Variants in SMIM20 observed in about 807,000 individuals in gnomAD.
The protein encoded by SMIM20 is small integral membrane protein 20, also known as mitochondrial translation regulation assembly intermediate of cytochrome c oxidase protein of 7 kDa.
SMIM20 carries 3 observed loss-of-function variants against 8.7 expected under a neutral mutation model. The ratio of observed to expected loss-of-function variants is 0.34; its 90% CI spans 0.16 to 0.89. The LOEUF (loss-of-function observed/expected upper bound fraction) is 0.89. Ranked by LOEUF, SMIM20 falls within the 40% of genes least tolerant of loss-of-function variation. The pLI, the probability that SMIM20 is intolerant of heterozygous loss-of-function variation, is 0.49. For synonymous variants in SMIM20, 44 were observed against 33.6 expected (o/e 1.31, Z -1.07); for missense variants, 85 against 84.8 (o/e 1.00, Z -0.01).
intron 1 of SMIM20, among the ~76,000 whole-genome samples, chr4:25,921,049 G>A (rs1465503373): frequency 6.6e-6 from 1 of 152,212 alleles, no homozygotes; most frequent in African/African-American, 2.4e-5. Flanking sequence ...CTGTATGTTA[G>A]TAAGAGCAGT....
intron 1 of SMIM20, among the ~76,000 whole-genome samples, chr4:25,919,830 C>T (rs1382315875): frequency 6.6e-6 from 1 of 152,190 alleles, no homozygotes; most frequent in Admixed American, 6.5e-5. Flanking sequence ...TAACCTTTGT[C>T]CCATGCACCT....
At chr4:25,926,459 G>A (rs570723520) in intron 1 of SMIM20, among the ~76,000 whole-genome samples, 8 of 152,230 alleles carry the variant, frequency 5.3e-5, no homozygotes, top group Non-Finnish European at 1.0e-4. Context: ...AACTACAGAG[G>A]TGTTTGCATT....
intron 1 of SMIM20, among the ~76,000 whole-genome samples, chr4:25,923,687 T>C (rs1719238005): frequency 6.6e-6 from 1 of 152,246 alleles, no homozygotes; most frequent in South Asian, 2.1e-4. Context: ...TTGCTGCCCC[T>C]GCCCAAAAGG....
At chr4:25,923,941 T>C (rs758081336) in intron 1 of SMIM20, among the ~76,000 whole-genome samples, 1 of 152,068 alleles carries the variant, frequency 6.6e-6, no homozygotes, top group African/African-American at 2.4e-5. Context: ...TTGGGAGGAG[T>C]GCAGTGCTTC....
At chr4:25,917,945 TG>T (rs1465804280) in intron 1 of SMIM20, among the ~76,000 whole-genome samples, 9 of 143,026 alleles carry the variant, frequency 6.3e-5, no homozygotes, top group Non-Finnish European at 1.4e-4. Context: ...TTTTTTTTTT[TG>T]TTTTTTTTTT....
intron 1 of SMIM20, among the ~76,000 whole-genome samples, chr4:25,922,978 G>A (rs968654374): frequency 1.3e-5 from 2 of 152,234 alleles, no homozygotes; most frequent in Non-Finnish European, 2.9e-5. Context: ...TGCCTTATTG[G>A]ATTTCATTTT....
At chr4:25,921,091 G>T (rs772110951) in intron 1 of SMIM20, among the ~76,000 whole-genome samples, 2 of 152,202 alleles carry the variant, frequency 1.3e-5, no homozygotes, top group African/African-American at 2.4e-5. Context: ...GCATCACTCT[G>T]ATTGATTGTA....
intron 1 of SMIM20, among the ~76,000 whole-genome samples, chr4:25,916,059 T>A (rs978729932): frequency 2.0e-5 from 3 of 152,026 alleles, no homozygotes; most frequent in Non-Finnish European, 4.4e-5. Context: ...CCAGCAACAG[T>A]CTTTTAGGGA....
chr4:25,917,506 G>A (rs1169101475), intron 1 of SMIM20, among the ~76,000 whole-genome samples: 3 of 152,216 alleles, frequency 2.0e-5, no homozygotes, highest in Non-Finnish European at 2.9e-5. Context: ...CTGGGATGAG[G>A]TGTTCATGAT....
chr4:25,928,747 G>T (rs540173938), intron 2 of SMIM20, among the ~76,000 whole-genome samples: 1 of 152,360 alleles, frequency 6.6e-6, no homozygotes, highest in South Asian at 2.1e-4. Flanking sequence ...TGTTTGAATT[G>T]ATGTGGGGTT....
intron 1 of SMIM20, among the ~76,000 whole-genome samples, chr4:25,921,931 G>A (rs1719210083): frequency 6.6e-6 from 1 of 152,094 alleles, no homozygotes; most frequent in African/African-American, 2.4e-5. Context: ...AAGGGAGTGT[G>A]GTCAGCAGGG....
chr4:25,916,638 C>T (rs549835439), intron 1 of SMIM20, among the ~76,000 whole-genome samples: 70 of 152,212 alleles, frequency 4.6e-4, no homozygotes, highest in Non-Finnish European at 8.8e-4. Flanking sequence ...TCACCGCAAC[C>T]TCTGCCTCCC....
intron 1 of SMIM20, among the ~76,000 whole-genome samples, chr4:25,924,016 C>T (rs542932674): frequency 2.0e-5 from 3 of 152,242 alleles, no homozygotes; most frequent in Admixed American, 1.3e-4. Flanking sequence ...TATGGCTTCC[C>T]CTCCGTCCCT....
chr4:25,926,949 C>A (rs1711527616), intron 1 of SMIM20, among the ~76,000 whole-genome samples: 1 of 152,176 alleles, frequency 6.6e-6, no homozygotes, highest in Non-Finnish European at 1.5e-5. Context: ...TTGAGACTTA[C>A]ATGTCTATAG....
intron 1 of SMIM20, 56 bp downstream of exon 1, chr4:25,914,478 C>G: frequency 7.2e-7 from 1 of 1,379,840 alleles, no homozygotes; most frequent in Non-Finnish European, 9.5e-7. Flanking sequence ...CACACCTCCC[C>G]TCTGTGAGCT....
intron 1 of SMIM20, among the ~76,000 whole-genome samples, chr4:25,916,565 T>C (rs991949272): frequency 2.6e-5 from 4 of 151,474 alleles, no homozygotes; most frequent in African/African-American, 9.7e-5. Context: ...TCGTAACTGA[T>C]TCTTTTTTCT....
intron 1 of SMIM20, among the ~76,000 whole-genome samples, chr4:25,922,845 C>T (rs1040856458): frequency 6.6e-6 from 1 of 152,150 alleles, no homozygotes; most frequent in African/African-American, 2.4e-5. Flanking sequence ...GGGACAGGTA[C>T]GTTCCAGGGT....
intron 1 of SMIM20, among the ~76,000 whole-genome samples, chr4:25,926,774 A>T (rs1202819235): frequency 1.3e-5 from 2 of 152,216 alleles, no homozygotes; most frequent in African/African-American, 4.8e-5. Flanking sequence ...ATGCTTTCTG[A>T]TAGTGATTTT....
intron 2 of SMIM20, 75 bp from the exon 3 acceptor site, chr4:25,929,079 T>C: frequency 6.6e-7 from 1 of 1,512,234 alleles, no homozygotes. Context: ...GATGTCATTT[T>C]GTTTGTTTGG....
Sources: allele counts gnomAD v4.1 joint callset (sites outside exome capture counted in the v4.1 genomes callset), GRCh38; gene constraint gnomAD v4.1.1; transcripts MANE v1.5; gene names NCBI Gene and HGNC (gene_info 2026-07-23, HGNC 2026-07-21).